ZNF407: variants seen among roughly 807,000 people sequenced by gnomAD.
ZNF407 encodes the protein zinc finger protein 407.
In ZNF407, 17 loss-of-function variants were observed where a neutral mutation model predicts 131.2. That is an observed-to-expected ratio of 0.13 (90% CI 0.09 to 0.19). The LOEUF is 0.19. Ranked by LOEUF, ZNF407 falls within the 10% of genes least tolerant of loss-of-function variation. ZNF407 has a pLI of 1.00. For missense variants in ZNF407, 2,681 were observed against 2,830.6 expected (o/e 0.95, Z 1.20); for synonymous variants, 1,156 against 1,062.0 (o/e 1.09, Z -1.72).
At chr18:74,713,948 C>T (rs1262507329) in intron 3 of ZNF407, among the ~76,000 whole-genome samples, 1 of 152,068 alleles carries the variant, frequency 6.6e-6, no homozygotes, top group Non-Finnish European at 1.5e-5. Flanking sequence ...TGTGACATCT[C>T]CTAGAAGGCT....
intron 8 of ZNF407, among the ~76,000 whole-genome samples, chr18:74,975,351 C>T (rs9944764): frequency 0.16 from 23,618 of 152,060 alleles, 2,083 homozygotes; most frequent in Admixed American, 0.27. Context: ...ATTGTTTGAT[C>T]GGTGTAATCT....
chr18:75,037,678 A>T (rs1262553044), intron 8 of ZNF407, among the ~76,000 whole-genome samples: 1 of 152,170 alleles, frequency 6.6e-6, no homozygotes, highest in South Asian at 2.1e-4. Flanking sequence ...CTCGCGCTGG[A>T]ATTTCTTTCG....
rs184161500 is a variant in ZNF407 at position 75,052,011 on chromosome 18, G to A, written c.5429-11139G>A. Among the ~76,000 whole-genome samples, 44 of 152,234 alleles carry A rather than the reference G, an allele frequency of 2.9e-4. 1 individual carries two copies. Among genetic ancestry groups the A allele is most frequent in the African/African-American group, 8.4e-4 (35 of 41,552 alleles). On this transcript the variant is annotated intron_variant, in intron 8 of 8. Transcript: ENST00000299687. ...CCTCCACCCAGAATGCCATAGATTC[G>A]CACTCAGGAGAGGCTCTGGGGAAGA...
chr18:74,689,311 C>A (rs1967166977), intron 3 of ZNF407, among the ~76,000 whole-genome samples: 1 of 152,152 alleles, frequency 6.6e-6, no homozygotes, highest in Non-Finnish European at 1.5e-5. Context: ...TATAAAAATA[C>A]ATGTCATGTG....
At chr18:74,679,027 A>G (rs1966917958) in intron 3 of ZNF407, among the ~76,000 whole-genome samples, 1 of 151,834 alleles carries the variant, frequency 6.6e-6, no homozygotes, top group Admixed American at 6.6e-5. Context: ...CTGGAAAATG[A>G]TGGGTAGAGT....
intron 2 of ZNF407, among the ~76,000 whole-genome samples, chr18:74,638,193 G>A (rs1984547341): frequency 6.6e-6 from 1 of 152,204 alleles, no homozygotes; most frequent in Non-Finnish European, 1.5e-5. Context: ...TGAAGTTAGG[G>A]CTGGTAGTGT....
At chr18:74,995,661 G>A (rs991391431) in intron 8 of ZNF407, among the ~76,000 whole-genome samples, 2 of 152,132 alleles carry the variant, frequency 1.3e-5, no homozygotes, top group Non-Finnish European at 2.9e-5. Flanking sequence ...TCATTTGGAA[G>A]AGGCTTTGGT....
chr18:75,050,062 A>G (rs1277504399), intron 8 of ZNF407, among the ~76,000 whole-genome samples: 2 of 152,244 alleles, frequency 1.3e-5, no homozygotes, highest in Non-Finnish European at 2.9e-5. Flanking sequence ...TGCTGTATGT[A>G]TAATGTGGTT....
At chr18:74,804,097 G>A (rs1256439938) in intron 4 of ZNF407, 8 of 1,544,392 alleles carry the variant, frequency 5.2e-6, no homozygotes, top group Non-Finnish European at 5.2e-6. Context: ...GGGAGGATTG[G>A]CTGAGGACTT....
chr18:74,815,923 A>C (rs146156945), intron 4 of ZNF407, among the ~76,000 whole-genome samples: 4 of 152,302 alleles, frequency 2.6e-5, no homozygotes, highest in Admixed American at 6.5e-5. Flanking sequence ...ATAGTGTCCC[A>C]TGCCTCCCAA....
chr18:74,634,552 G>C lies in ZNF407; in HGVS notation c.3533G>C (p.Arg1178Thr). 6.2e-7 allele frequency: 1 copy of C among 1,613,758 alleles called. No homozygotes were observed. The highest frequency in any genetic ancestry group is 1.3e-5 in the African/African-American group (1 of 75,014). ...FQQAPVKDKV[R>T]KPEEMMSLTM... ...CAGGCTCCTGTCAAGGATAAAGTTA[G>C]GAAACCTGAGGAGATGATGTCACTT... is the stretch of plus-strand genomic sequence containing the variant. The change falls in exon 2 of 9, where the codon AGG becomes ACG. Residue 1178 changes from arginine to threonine, a missense_variant. Transcript: ENST00000299687.
In ZNF407 at chr18:74,633,885, G is replaced by A. The variant is rs201078153; in HGVS notation, c.2866G>A (p.Val956Ile). Residue 956 changes from valine to isoleucine, a missense_variant, in exon 2 of 9, where the codon GTT becomes ATT. By Grantham distance (29) the Val-to-Ile change is conservative. Transcript: ENST00000299687. The part of the protein sequence containing the change: ...ANKPAESPTS[V>I]LEKPDRGNSI... ...CAAACCAGCTGAGTCACCCACCTCCGTTTTAGAGAAGCCAGATCGTGGAAA... is the reference window on the plus strand; with the variant it reads ...CAAACCAGCTGAGTCACCCACCTCCATTTTAGAGAAGCCAGATCGTGGAAA... The A allele has an allele frequency of 6.1e-5, 99 of 1,613,984 alleles. No individual in the cohort carries two copies. Among genetic ancestry groups the A allele is most frequent in the Non-Finnish European group, 7.4e-5 (87 of 1,179,902 alleles).
intron 3 of ZNF407, among the ~76,000 whole-genome samples, chr18:74,748,156 G>A (rs932939173): frequency 1.3e-5 from 2 of 152,026 alleles, no homozygotes; most frequent in African/African-American, 4.8e-5. Context: ...CTTTTCCCAG[G>A]TTAAGCTCTT....
intron 3 of ZNF407, among the ~76,000 whole-genome samples, chr18:74,739,209 T>G (rs1340474363): frequency 6.6e-6 from 1 of 151,316 alleles, no homozygotes; most frequent in Non-Finnish European, 1.5e-5. Context: ...TTTATATATA[T>G]AGATGTGTAT....
At chr18:74,667,609 T>G in intron 3 of ZNF407, among the ~76,000 whole-genome samples, 1 of 152,208 alleles carries the variant, frequency 6.6e-6, no homozygotes, top group East Asian at 1.9e-4. Context: ...AAACTCAGAC[T>G]TAGGATAAGC....
At chr18:74,867,937 A>G (rs568750340) in intron 4 of ZNF407, among the ~76,000 whole-genome samples, 40 of 152,284 alleles carry the variant, frequency 2.6e-4, no homozygotes, top group African/African-American at 9.1e-4. Context: ...TTGAAATGTA[A>G]AAGAAAATAA....
At chr18:74,620,044 C>A (rs1983453523) in intron 1 of ZNF407, among the ~76,000 whole-genome samples, 1 of 147,812 alleles carries the variant, frequency 6.8e-6, no homozygotes. Flanking sequence ...AAAACCCAGA[C>A]AATTAGATGG....
chr18:74,602,447 C>T (rs188194690), intron 1 of ZNF407, among the ~76,000 whole-genome samples: 305 of 152,178 alleles, frequency 2.0e-3, no homozygotes, highest in Middle Eastern at 0.017. Flanking sequence ...GAAAACTGGA[C>T]GTTTTCAAAG....
chr18:74,865,576 G>T (rs1174358053), intron 4 of ZNF407, among the ~76,000 whole-genome samples: 1 of 152,084 alleles, frequency 6.6e-6, no homozygotes, highest in Non-Finnish European at 1.5e-5. Context: ...TTGAATGCTG[G>T]AAGGTACATA....
Sources: gnomAD v4.1 joint callset for allele counts (sites outside exome capture counted in the v4.1 genomes callset) on GRCh38, gnomAD v4.1.1 for gene constraint, MANE v1.5 for transcripts, NCBI Gene and HGNC (gene_info 2026-07-23, HGNC 2026-07-21) for gene names.